The following TDRD9 variants were observed in gnomAD, a reference collection of about 807,000 sequenced individuals.
The protein encoded by TDRD9 is tudor domain containing 9, also known as ATP-dependent RNA helicase TDRD9.
A neutral mutation model predicts 172.6 loss-of-function variants in TDRD9; 124 were observed. That is an observed-to-expected ratio of 0.72 (90% CI 0.62 to 0.83). TDRD9 has a LOEUF of 0.83. TDRD9 is among the 40% of genes least tolerant of loss of function. TDRD9 has a pLI of 0.00. For missense variants in TDRD9, 1,479 were observed against 1,714.1 expected (o/e 0.86, Z 2.42); for synonymous variants, 619 against 617.1 (o/e 1.00, Z -0.05).
chr14:103,994,319 T>C lies in TDRD9; in HGVS notation c.1181-13T>C, dbSNP rs370503835. 1 of 1,611,932 alleles carries C rather than the reference T, an allele frequency of 6.2e-7. No homozygotes were observed. Among genetic ancestry groups the C allele is most frequent in the African/African-American group, 1.3e-5 (1 of 74,902 alleles). ...ACATGTTTATTTCCCTCCTCCACTT[T>C]TTTCTTCCCTAGGTCTGGGTGAAAT... On this transcript the variant is annotated splice_polypyrimidine_tract_variant and intron_variant, in intron 9 of 35. Transcript: ENST00000409874.
chr14:103,991,481 T>C (rs1046785577), intron 9 of TDRD9, among the ~76,000 whole-genome samples: 2 of 152,098 alleles, frequency 1.3e-5, no homozygotes, highest in East Asian at 1.9e-4. Flanking sequence ...GGCACGATCT[T>C]GGCTCACTGC....
chr14:104,026,605 T>A, intron 27 of TDRD9, 74 bp from the exon 28 acceptor site: 1 of 1,531,814 alleles, frequency 6.5e-7, no homozygotes, highest in East Asian at 2.3e-5. Context: ...ACAAGGTCTG[T>A]TTTCAGTGGT....
intron 1 of TDRD9, among the ~76,000 whole-genome samples, chr14:103,952,680 A>G (rs1396636121): frequency 2.1e-5 from 3 of 139,692 alleles, no homozygotes; most frequent in Non-Finnish European, 3.1e-5. Flanking sequence ...TAAAAGTCAC[A>G]TTTCTATGCG....
At chr14:104,021,356 C>T (rs1473539849) in intron 23 of TDRD9, among the ~76,000 whole-genome samples, 2 of 152,058 alleles carry the variant, frequency 1.3e-5, no homozygotes, top group Non-Finnish European at 2.9e-5. Context: ...TATCACTTGG[C>T]AATCAATTTA....
Position 103,994,605 on chromosome 14 carries a change from T to C in TDRD9, c.1320+2T>C. Reference sequence around the variant, plus strand: ...AGTCCAGTCCCTGGGTACAGAAAGGTAGGAAAACTGGGAAGACAAGTTCTA... The same window carrying C: ...AGTCCAGTCCCTGGGTACAGAAAGGCAGGAAAACTGGGAAGACAAGTTCTA... On this transcript the variant is annotated splice_donor_variant, in intron 11 of 35. Coordinates refer to ENST00000409874, the MANE Select transcript of TDRD9 (RefSeq NM_153046.3). LOFTEE classifies it high-confidence loss of function. The C allele has an allele frequency of 6.2e-7, 1 of 1,611,150 alleles. No individual in the cohort carries two copies. The highest frequency in any genetic ancestry group is 1.1e-5 in the South Asian group (1 of 90,648).
chr14:103,955,721 AGCAC>A lies in TDRD9; in HGVS notation c.274_277del (p.Ala92LysfsTer24). ...ATATTAACAAATACAGACAGCTCGA[AGCAC>A]AAGAGCTTGATGTGTGTCGCAGTGT... On this transcript the variant is annotated frameshift_variant, in exon 2 of 36. Transcript: ENST00000409874. LOFTEE classifies it high-confidence loss of function. The A allele has an allele frequency of 6.4e-7, 1 of 1,551,484 alleles. No homozygotes were observed. Among genetic ancestry groups the A allele is most frequent in the Non-Finnish European group, 8.7e-7 (1 of 1,146,888 alleles).
At position 104,018,129 on chromosome 14, in the gene TDRD9, A is replaced by G; in HGVS notation, c.2369A>G (p.Lys790Arg). The change falls in exon 23 of 36, where the codon AAA becomes AGA. Residue 790 changes from lysine (K) to arginine (R), a missense_variant. This residue lies in a region of TDRD9 where 1,413 missense variants were observed against 1,649.1 expected (regional missense o/e 0.86). Coordinates refer to ENST00000409874, the MANE Select transcript of TDRD9 (RefSeq NM_153046.3). ...HIPPYGFLYY[K>R]QLQSLFRQCG... Reference sequence around the variant, plus strand: ...CCTCCCTATGGATTTCTTTACTATAAACAACTACAGTCTCTCTTTAGACAG... The same window carrying G: ...CCTCCCTATGGATTTCTTTACTATAGACAACTACAGTCTCTCTTTAGACAG... 1 of 1,608,532 alleles carries G rather than the reference A, an allele frequency of 6.2e-7. No homozygotes were observed. Among genetic ancestry groups the G allele is most frequent in the Non-Finnish European group, 8.5e-7 (1 of 1,176,254 alleles).
At position 104,022,289 on chromosome 14, in the gene TDRD9, G is replaced by A. The variant is rs766259161; in HGVS notation, c.2565G>A (p.Gly855=). 2 of 1,613,852 alleles carry A rather than the reference G, an allele frequency of 1.2e-6. No homozygotes were observed. The highest frequency in any genetic ancestry group is 1.7e-6 in the Non-Finnish European group (2 of 1,179,844). Residue 855 remains glycine, a synonymous_variant, in exon 24 of 36, where the codon GGG becomes GGA. Coordinates refer to ENST00000409874, the MANE Select transcript of TDRD9 (RefSeq NM_153046.3). The stretch of plus-strand genomic sequence containing the variant: ...TTCATTCTGCAGAGGAAATTGAAGG[G>A]AAGGTGCAAGGCATGAACGTCTCAA... The part of the protein sequence containing the change: ...LSVHSAEEIE[G]KVQGMNVSKL...
intron 2 of TDRD9, among the ~76,000 whole-genome samples, chr14:103,958,028 G>A (rs1004719031): frequency 6.6e-6 from 1 of 152,198 alleles, no homozygotes; most frequent in African/African-American, 2.4e-5. Context: ...CTTAGCCACT[G>A]ACATTTATCA....
At chr14:103,949,702 C>G (rs956610313) in intron 1 of TDRD9, among the ~76,000 whole-genome samples, 7 of 152,142 alleles carry the variant, frequency 4.6e-5, no homozygotes, top group Non-Finnish European at 1.0e-4. Context: ...ATTTTTGAAA[C>G]AGGGTCTCAC....
intron 14 of TDRD9, among the ~76,000 whole-genome samples, chr14:104,004,846 G>A (rs1209906811): frequency 6.6e-6 from 1 of 152,102 alleles, no homozygotes; most frequent in African/African-American, 2.4e-5. Context: ...ATGTTTTCTG[G>A]TATCTATGGG....
intron 34 of TDRD9, among the ~76,000 whole-genome samples, chr14:104,042,409 G>A (rs1036710836): frequency 7.2e-5 from 11 of 152,138 alleles, no homozygotes; most frequent in African/African-American, 2.4e-4. Flanking sequence ...AAGGGACAGC[G>A]TGGGCAGGGC....
chr14:103,928,553 C>A lies in TDRD9; in HGVS notation c.44C>A (p.Thr15Asn). The A allele has an allele frequency of 2.2e-6, 3 of 1,389,902 alleles. No individual in the cohort carries two copies. Among genetic ancestry groups the A allele is most frequent in the South Asian group, 2.9e-5 (2 of 68,290 alleles). 86.1% of individuals were successfully genotyped at this position (1,389,902 alleles called of 1,614,324 possible). A position where few individuals can be genotyped will look rare whatever the true frequency, so the allele number is the denominator to read the frequency against. ...ATCGAGCAGATCAACGACTGGTTCACCATCGGCAAGACGGTGACCAATGTG... is the reference window on the plus strand; with the variant it reads ...ATCGAGCAGATCAACGACTGGTTCAACATCGGCAAGACGGTGACCAATGTG... The part of the protein sequence containing the change: ...LTIEQINDWF[T>N]IGKTVTNVEL... The change falls in exon 1 of 36, where the codon ACC (threonine) becomes AAC (asparagine). Residue 15 changes from threonine to asparagine, a missense_variant. Physicochemically the swap from Thr to Asn is moderately conservative, Grantham distance 65. Coordinates refer to ENST00000409874, the MANE Select transcript of TDRD9 (RefSeq NM_153046.3).
rs374114051 is a variant in TDRD9 at position 104,016,102 on chromosome 14, G to A, written c.2331+14G>A. The A allele has an allele frequency of 1.9e-6, 3 of 1,568,254 alleles. No homozygotes were observed. In the African/African-American group the frequency reaches 4.1e-5, roughly 21 times the overall value. On this transcript the variant is annotated intron_variant, in intron 22 of 35. Coordinates refer to ENST00000409874, the MANE Select transcript of TDRD9 (RefSeq NM_153046.3). The stretch of plus-strand genomic sequence containing the variant: ...ACAACTGTCGTGGTAGGTGCTGGGG[G>A]CAGGCCGTCCTCTCTGGGGTGTGGT...
chr14:103,958,155 A>G (rs985788407), intron 2 of TDRD9, among the ~76,000 whole-genome samples: 1 of 152,206 alleles, frequency 6.6e-6, no homozygotes, highest in African/African-American at 2.4e-5. Flanking sequence ...TTACACAAAT[A>G]AATGCTTTTT....
chr14:104,015,536 A>C (rs1465575215), intron 21 of TDRD9, among the ~76,000 whole-genome samples: 2 of 152,142 alleles, frequency 1.3e-5, no homozygotes, highest in Non-Finnish European at 2.9e-5. Flanking sequence ...TTTAGAGGTG[A>C]ATAGTGGATG....
intron 7 of TDRD9, among the ~76,000 whole-genome samples, chr14:103,976,504 G>T (rs1024547623): frequency 6.6e-6 from 1 of 151,790 alleles, no homozygotes. Context: ...CTCATGATCC[G>T]CCCGCCTCAG....
chr14:104,023,184 C>CAAAAAAAAAAAAAAAAAAAAAAAAAA (rs10661391), intron 24 of TDRD9, among the ~76,000 whole-genome samples: 1 of 64,434 alleles, frequency 1.6e-5, no homozygotes, highest in African/African-American at 7.2e-5. Context: ...GACTCCGTCT[C>CAAAAAAAAAAAAAAAAAAAAAAAAAA]AAAAAAAAAA....
intron 8 of TDRD9, among the ~76,000 whole-genome samples, chr14:103,987,745 A>G (rs1230163358): frequency 1.3e-5 from 2 of 152,192 alleles, no homozygotes; most frequent in Admixed American, 6.5e-5. Flanking sequence ...GGAGTGTTCT[A>G]TAGATGTCTT....
Sources: allele counts gnomAD v4.1 joint callset (sites outside exome capture counted in the v4.1 genomes callset), GRCh38; gene constraint gnomAD v4.1.1; regional missense constraint gnomAD v4.1.1; transcripts MANE v1.5; gene names NCBI Gene and HGNC (gene_info 2026-07-23, HGNC 2026-07-21).